Variants in OBI1 observed in about 807,000 individuals in gnomAD.
OBI1 encodes ORC ubiquitin ligase 1, also known as ring finger protein 219.
Under a neutral mutation model 62.4 loss-of-function variants are expected in OBI1, and 59 were observed. The observed-to-expected ratio is 0.95, with a 90% CI of 0.77 to 1.17. OBI1 has a LOEUF of 1.17. OBI1 is among the 50% of genes most tolerant of loss of function. OBI1 has a pLI of 0.00. For synonymous variants in OBI1, 302 were observed against 292.8 expected (o/e 1.03, Z -0.32); for missense variants, 875 against 830.9 (o/e 1.05, Z -0.65).
At chr13:78,623,681 A>T (rs1875582235) in intron 5 of OBI1, among the ~76,000 whole-genome samples, 2 of 152,158 alleles carry the variant, frequency 1.3e-5, no homozygotes, top group South Asian at 4.1e-4. Context: ...TGTAGACTAG[A>T]TTTTTCTAGG....
At chr13:78,649,408 T>C (rs529840990) in intron 1 of OBI1, among the ~76,000 whole-genome samples, 2 of 152,180 alleles carry the variant, frequency 1.3e-5, no homozygotes, top group South Asian at 2.1e-4. Flanking sequence ...TGATGTGAGA[T>C]TGAGTTTGAT....
intron 5 of OBI1, among the ~76,000 whole-genome samples, chr13:78,627,106 A>T (rs1024523892): frequency 5.9e-5 from 9 of 152,106 alleles, no homozygotes; most frequent in Non-Finnish European, 1.2e-4. Flanking sequence ...GGCAAGAAAT[A>T]ATATGGATCT....
intron 3 of OBI1, among the ~76,000 whole-genome samples, chr13:78,640,961 A>G (rs900652553): frequency 4.9e-5 from 7 of 143,678 alleles, no homozygotes; most frequent in Admixed American, 3.4e-4. Flanking sequence ...TGGTTCTTCA[A>G]TTACTACTGT....
intron 4 of OBI1, among the ~76,000 whole-genome samples, chr13:78,635,441 CTA>C (rs1393382618): frequency 6.6e-6 from 1 of 152,150 alleles, no homozygotes; most frequent in Non-Finnish European, 1.5e-5. Flanking sequence ...ATAAACAAAA[CTA>C]TGTTAGTTAG....
intron 4 of OBI1, among the ~76,000 whole-genome samples, chr13:78,638,222 G>T (rs772937458): frequency 6.6e-6 from 1 of 152,032 alleles, no homozygotes; most frequent in African/African-American, 2.4e-5. Context: ...AAATCCTAGA[G>T]GTTTGCCTTT....
chr13:78,646,710 A>G (rs1205814213), intron 1 of OBI1, among the ~76,000 whole-genome samples: 1 of 152,078 alleles, frequency 6.6e-6, no homozygotes, highest in African/African-American at 2.4e-5. Context: ...GTGCTACTCT[A>G]TGTCTGCCTT....
chr13:78,641,743 C>T (rs1342908438), intron 3 of OBI1, among the ~76,000 whole-genome samples: 2 of 151,670 alleles, frequency 1.3e-5, no homozygotes, highest in African/African-American at 4.9e-5. Flanking sequence ...AGAGGTCAGA[C>T]TGGCTTTCAC....
chr13:78,658,855 C>G (rs1876792557), intron 1 of OBI1, among the ~76,000 whole-genome samples, 194 bp downstream of exon 1: 1 of 152,148 alleles, frequency 6.6e-6, no homozygotes, highest in Non-Finnish European at 1.5e-5. Flanking sequence ...CGAAAGGCGC[C>G]CAGATGAATC....
intron 1 of OBI1, among the ~76,000 whole-genome samples, chr13:78,645,419 C>T (rs1471610031): frequency 6.6e-6 from 1 of 152,166 alleles, no homozygotes; most frequent in Non-Finnish European, 1.5e-5. Context: ...CAATTCATTC[C>T]ACTGTTACAG....
chr13:78,643,845 C>T (rs1388560986), intron 2 of OBI1, among the ~76,000 whole-genome samples: 1 of 152,064 alleles, frequency 6.6e-6, no homozygotes, highest in African/African-American at 2.4e-5. Flanking sequence ...ATTACAATGA[C>T]TTCTTAAGTT....
At chr13:78,640,272 A>G (rs1876173738) in intron 3 of OBI1, among the ~76,000 whole-genome samples, 1 of 152,082 alleles carries the variant, frequency 6.6e-6, no homozygotes, top group African/African-American at 2.4e-5. Flanking sequence ...AGGGATACCA[A>G]AATCCATGGA....
Position 78,639,076 on chromosome 13 carries a change from A to AG in OBI1, c.301-6_301-5insC, listed in dbSNP as rs2137453378. ...CTGTAAACAATCTATTTCGTCCTGA[A>AG]AAAGCATTGCATAGTCATGAGGCAG... On this transcript the variant is annotated splice_polypyrimidine_tract_variant and splice_region_variant and intron_variant, in intron 3 of 5. Coordinates refer to ENST00000282003, the MANE Select transcript of OBI1 (RefSeq NM_024546.4). The AG allele has an allele frequency of 6.2e-7, 1 of 1,611,336 alleles. No individual in the cohort carries two copies. The highest frequency in any genetic ancestry group is 2.2e-5 in the East Asian group (1 of 44,812).
At chr13:78,648,853 C>T (rs1269149488) in intron 1 of OBI1, among the ~76,000 whole-genome samples, 3 of 149,758 alleles carry the variant, frequency 2.0e-5, no homozygotes, top group Admixed American at 6.7e-5. Context: ...GCAGAGGTTG[C>T]GGCGAGCTGA....
chr13:78,657,145 C>A (rs1009838802), intron 1 of OBI1, among the ~76,000 whole-genome samples: 1 of 152,118 alleles, frequency 6.6e-6, no homozygotes, highest in Admixed American at 6.5e-5. Context: ...AACATCAACT[C>A]CCCATCCTTT....
chr13:78,633,441 A>G (rs1403358886), intron 5 of OBI1, among the ~76,000 whole-genome samples: 1 of 152,136 alleles, frequency 6.6e-6, no homozygotes, highest in Non-Finnish European at 1.5e-5. Context: ...TCAAATGACA[A>G]GCAGAGAGCT....
chr13:78,649,472 T>C (rs1027028657), intron 1 of OBI1, among the ~76,000 whole-genome samples: 5 of 152,178 alleles, frequency 3.3e-5, no homozygotes, highest in African/African-American at 9.7e-5. Flanking sequence ...CTCTGATCAG[T>C]TACCGACAAG....
At position 78,639,087 on chromosome 13, in the gene OBI1, A is replaced by G. The variant is rs747415041; in HGVS notation, c.301-16T>C. 3 of 1,609,566 alleles carry G rather than the reference A, an allele frequency of 1.9e-6. No individual in the cohort carries two copies. The highest frequency in any genetic ancestry group is 2.5e-6 in the Non-Finnish European group (3 of 1,177,914). The stretch of plus-strand genomic sequence containing the variant: ...CTATTTCGTCCTGAAAAAGCATTGC[A>G]TAGTCATGAGGCAGGCATAGACACT... On this transcript the variant is annotated splice_polypyrimidine_tract_variant and intron_variant, in intron 3 of 5. Coordinates refer to ENST00000282003, the MANE Select transcript of OBI1 (RefSeq NM_024546.4).
chr13:78,638,747 T>C lies in OBI1; in HGVS notation c.549+76A>G, dbSNP rs147021300. On this transcript the variant is annotated intron_variant, in intron 4 of 5. Coordinates refer to ENST00000282003, the MANE Select transcript of OBI1 (RefSeq NM_024546.4). Reference sequence around the variant, plus strand: ...CAAATCATCTGATGATGAGTCAAGATAATATGGCTATTTATGCTTTTGAAG... The same window carrying C: ...CAAATCATCTGATGATGAGTCAAGACAATATGGCTATTTATGCTTTTGAAG... 128 of 1,311,436 alleles carry C rather than the reference T, an allele frequency of 9.8e-5. No homozygotes were observed. The East Asian group carries it at 2.8e-3, about 28-fold the overall frequency. The allele number at this position is 1,311,436 out of a possible 1,614,324, so 81.2% of individuals were successfully genotyped here. A position where few individuals can be genotyped will look rare whatever the true frequency, so the allele number is the denominator to read the frequency against.
At chr13:78,645,620 T>C (rs1475922879) in intron 1 of OBI1, among the ~76,000 whole-genome samples, 3 of 151,742 alleles carry the variant, frequency 2.0e-5, no homozygotes, top group African/African-American at 7.3e-5. Flanking sequence ...CCAGGCTCCA[T>C]TTAAACAAGC....
Sources: gnomAD v4.1 joint callset for allele counts (sites outside exome capture counted in the v4.1 genomes callset) on GRCh38, gnomAD v4.1.1 for gene constraint, MANE v1.5 for transcripts, NCBI Gene and HGNC (gene_info 2026-07-23, HGNC 2026-07-21) for gene names.